TTLL11: variants seen among roughly 807,000 people sequenced by gnomAD.
The protein encoded by TTLL11 is tubulin tyrosine ligase like 11, also known as tubulin polyglutamylase TTLL11.
A neutral mutation model predicts 51.7 loss-of-function variants in TTLL11; 42 were observed. The ratio of observed to expected loss-of-function variants is 0.81; its 90% CI spans 0.64 to 1.05. The LOEUF is 1.05. Ranked by LOEUF, TTLL11 falls within the 50% of genes least tolerant of loss-of-function variation. TTLL11 has a pLI of 0.00. For synonymous variants in TTLL11, 381 were observed against 383.5 expected, an observed-to-expected ratio of 0.99 and a Z score of 0.08; for missense variants, 799 against 940.4, an observed-to-expected ratio of 0.85 and a Z score of 1.97.
intron 8 of TTLL11, among the ~76,000 whole-genome samples, chr9:121,843,402 C>T (rs149096350): frequency 8.2e-4 from 125 of 152,124 alleles, no homozygotes; most frequent in Non-Finnish European, 1.3e-3. Context: ...ACATTTCACT[C>T]GTAATTGATG....
chr9:121,967,764 T>C (rs1204865235), intron 6 of TTLL11, among the ~76,000 whole-genome samples: 1 of 152,140 alleles, frequency 6.6e-6, no homozygotes, highest in Admixed American at 6.5e-5. Context: ...AACTGACAAA[T>C]GAATACTAAA....
At chr9:122,086,180 T>C (rs1222029717) in intron 1 of TTLL11, among the ~76,000 whole-genome samples, 2 of 152,218 alleles carry the variant, frequency 1.3e-5, no homozygotes, top group Non-Finnish European at 2.9e-5. Context: ...TTTTAATTTA[T>C]AGGAGTTATA....
intron 3 of TTLL11, among the ~76,000 whole-genome samples, chr9:122,000,471 CAAAA>C (rs57775265): frequency 8.8e-5 from 2 of 22,814 alleles, no homozygotes; most frequent in Non-Finnish European, 1.8e-4. Flanking sequence ...GACTCCGTCG[CAAAA>C]AAAAAAAAAA....
intron 6 of TTLL11, among the ~76,000 whole-genome samples, chr9:121,892,916 G>A (rs1409818684): frequency 1.3e-5 from 2 of 152,132 alleles, no homozygotes. Flanking sequence ...GGCCGTGAAG[G>A]GGGCCCCAGT....
chr9:121,924,415 C>T (rs760627176), intron 6 of TTLL11, among the ~76,000 whole-genome samples: 2 of 152,248 alleles, frequency 1.3e-5, no homozygotes, highest in Non-Finnish European at 1.5e-5. Context: ...CCCTGGCTGA[C>T]TCCCATTTCC....
Position 122,093,167 on chromosome 9 carries a change from C to G in TTLL11, c.-19G>C. On this transcript the variant is annotated 5_prime_UTR_variant, in exon 1 of 9. Transcript: ENST00000321582. ...GCCGCATGGTGCTCAGGGCCGGGGC[C>G]AGTGCCAGTGCCACCGCCGCCGCCG... 3 of 1,490,822 alleles carry G rather than the reference C, an allele frequency of 2.0e-6. No homozygotes were observed. The highest frequency in any genetic ancestry group is 2.2e-5 in the Admixed American group (1 of 44,652). 92.3% of individuals were successfully genotyped at this position (1,490,822 alleles called of 1,614,324 possible). A position where few individuals can be genotyped will look rare whatever the true frequency, so the allele number is the denominator to read the frequency against.
chr9:121,901,982 T>G lies in TTLL11; in HGVS notation c.1482-31234A>C, dbSNP rs190433643. Among the ~76,000 whole-genome samples the G allele has an allele frequency of 3.0e-3, 461 of 152,262 alleles. 3 individuals are homozygous for G. Among genetic ancestry groups the G allele is most frequent in the African/African-American group, 0.011 (442 of 41,570 alleles). Reference sequence around the variant, plus strand: ...TTATTTATTTATTTTTTAGCCAGCATGTACTGGGGAGTTTCTTCAGATATC... The same window carrying G: ...TTATTTATTTATTTTTTAGCCAGCAGGTACTGGGGAGTTTCTTCAGATATC... On this transcript the variant is annotated intron_variant, in intron 6 of 8. Coordinates refer to ENST00000321582, the MANE Select transcript of TTLL11 (RefSeq NM_001139442.2).
chr9:121,958,514 C>T (rs1310363613), intron 6 of TTLL11, among the ~76,000 whole-genome samples: 2 of 152,206 alleles, frequency 1.3e-5, no homozygotes. Context: ...GTACCCACTC[C>T]TAATCAGGCT....
chr9:122,061,552 A>G (rs1845432601), intron 1 of TTLL11, among the ~76,000 whole-genome samples: 1 of 152,148 alleles, frequency 6.6e-6, no homozygotes, highest in Non-Finnish European at 1.5e-5. Context: ...ATTTTTGCCA[A>G]TTTGATGGAT....
chr9:122,073,162 C>A (rs1026230482), intron 1 of TTLL11, among the ~76,000 whole-genome samples: 1 of 152,178 alleles, frequency 6.6e-6, no homozygotes, highest in East Asian at 1.9e-4. Flanking sequence ...ATAATCCCAG[C>A]ACTTTGGGAA....
chr9:122,061,641 T>G (rs1408716161), intron 1 of TTLL11, among the ~76,000 whole-genome samples: 6 of 152,056 alleles, frequency 3.9e-5, no homozygotes, highest in African/African-American at 1.5e-4. Flanking sequence ...TTTTCTTTTT[T>G]TGTTTTCTTT....
At chr9:121,841,473 G>A (rs1046532511) in intron 8 of TTLL11, among the ~76,000 whole-genome samples, 3 of 152,142 alleles carry the variant, frequency 2.0e-5, no homozygotes, top group Non-Finnish European at 4.4e-5. Context: ...TCCTCCCTTC[G>A]CAGATGTGAT....
intron 4 of TTLL11, among the ~76,000 whole-genome samples, chr9:121,984,805 T>C (rs1177253592): frequency 6.6e-6 from 1 of 152,226 alleles, no homozygotes; most frequent in South Asian, 2.1e-4. Flanking sequence ...AAGAACGTTC[T>C]TGAAAGCTGA....
intron 6 of TTLL11, among the ~76,000 whole-genome samples, chr9:121,924,495 T>G (rs1225339929): frequency 6.6e-6 from 1 of 152,184 alleles, no homozygotes; most frequent in Non-Finnish European, 1.5e-5. Context: ...CTGAAAAGGG[T>G]TAGGAGATAT....
chr9:121,845,118 C>A, intron 8 of TTLL11, among the ~76,000 whole-genome samples: 1 of 151,738 alleles, frequency 6.6e-6, no homozygotes, highest in East Asian at 1.9e-4. Context: ...TTGAAAGAAG[C>A]CAGAGAGGAA....
intron 6 of TTLL11, among the ~76,000 whole-genome samples, chr9:121,873,236 T>G (rs1193161343): frequency 1.3e-5 from 2 of 152,218 alleles, no homozygotes; most frequent in African/African-American, 4.8e-5. Flanking sequence ...TAGACTGTTA[T>G]GACTATGCCC....
chr9:122,006,841 C>G (rs1843662435), intron 3 of TTLL11, among the ~76,000 whole-genome samples: 1 of 151,862 alleles, frequency 6.6e-6, no homozygotes, highest in East Asian at 1.9e-4. Context: ...CAAAAATTAG[C>G]CAGGTGTGGT....
chr9:121,941,220 C>A (rs182690241), intron 6 of TTLL11, among the ~76,000 whole-genome samples: 11 of 152,350 alleles, frequency 7.2e-5, no homozygotes, highest in Admixed American at 5.9e-4. Context: ...AATCCGCGTT[C>A]ATCACCAAAG....
At chr9:122,043,877 C>CT (rs1484828766) in intron 1 of TTLL11, among the ~76,000 whole-genome samples, 1 of 151,598 alleles carries the variant, frequency 6.6e-6, no homozygotes, top group East Asian at 1.9e-4. Flanking sequence ...TATTATTATA[C>CT]TTTAAGTTTT....
Sources: allele counts gnomAD v4.1 joint callset (sites outside exome capture counted in the v4.1 genomes callset), GRCh38; gene constraint gnomAD v4.1.1; transcripts MANE v1.5; gene names NCBI Gene and HGNC (gene_info 2026-07-23, HGNC 2026-07-21).